VBP1: variants seen among roughly 807,000 people sequenced by gnomAD.
The protein encoded by VBP1 is VHL binding protein 1.
VBP1 carries 4 observed loss-of-function variants against 15.5 expected under a neutral mutation model. The ratio of observed to expected loss-of-function variants is 0.26; its 90% CI spans 0.13 to 0.59. The LOEUF is 0.59. VBP1 is among the 20% of genes least tolerant of loss of function. VBP1 has a pLI of 0.90. For synonymous variants in VBP1, 61 were observed against 52.1 expected, an observed-to-expected ratio of 1.17 and a Z score of -0.74; for missense variants, 108 against 139.6, an observed-to-expected ratio of 0.77 and a Z score of 1.14.
At chrX:155,204,149 G>T (rs1413930379) in intron 1 of VBP1, among the ~76,000 whole-genome samples, 1 of 111,066 alleles carries the variant, frequency 9.0e-6, no homozygotes, top group African/African-American at 3.3e-5. Context: ...ATAAAGAAGG[G>T]TTTTGAAAAC....
At chrX:155,232,693 G>C (rs1189552259) in intron 4 of VBP1, among the ~76,000 whole-genome samples, 4 of 112,612 alleles carry the variant, frequency 3.6e-5, no homozygotes, top group Non-Finnish European at 5.6e-5. Flanking sequence ...ACATGGAATA[G>C]TGAGAACACT....
chrX:155,207,157 C>T (rs958781661), intron 1 of VBP1, among the ~76,000 whole-genome samples: 2 of 111,295 alleles, frequency 1.8e-5, no homozygotes, highest in African/African-American at 3.3e-5. Context: ...TGAAGGGCTA[C>T]GTAAAAAGCC....
intron 1 of VBP1, among the ~76,000 whole-genome samples, chrX:155,208,509 C>T (rs1260058880): frequency 1.8e-5 from 2 of 112,108 alleles, no homozygotes; most frequent in Admixed American, 1.9e-4. Flanking sequence ...GTTCCATGTC[C>T]ACCTACAAAC....
chrX:155,203,762 TAATAA>T (rs1194091427), intron 1 of VBP1, among the ~76,000 whole-genome samples: 1 of 110,709 alleles, frequency 9.0e-6, no homozygotes, highest in Non-Finnish European at 1.9e-5. Flanking sequence ...AGTATAATAA[TAATAA>T]AATAAAAAAA....
At chrX:155,216,445 G>C, upstream of VBP1, 1 of 1,160,483 alleles carries the variant, frequency 8.6e-7, no homozygotes, top group Non-Finnish European at 1.2e-6. Context: ...CCCGGCGGCC[G>C]GCGGCCCGGG....
upstream of VBP1, among the ~76,000 whole-genome samples, chrX:155,211,561 T>C (rs1356089356): frequency 1.8e-5 from 2 of 111,732 alleles, no homozygotes; most frequent in Admixed American, 9.5e-5. Flanking sequence ...CATTTTAGAG[T>C]CAAGTTGAAA....
At chrX:155,227,206 T>G in intron 2 of VBP1, 29 bp from the exon 3 acceptor site, 1 of 1,175,314 alleles carries the variant, frequency 8.5e-7, no homozygotes, top group Non-Finnish European at 1.1e-6. Context: ...GCCTGCAAAA[T>G]ACTAAGTTAC....
intron 1 of VBP1, among the ~76,000 whole-genome samples, chrX:155,201,164 C>A (rs1438237451): frequency 1.8e-5 from 2 of 109,679 alleles, no homozygotes; most frequent in African/African-American, 3.3e-5. Context: ...GATTCACAGC[C>A]GAATTCTACC....
chrX:155,227,161 A>G, intron 2 of VBP1, 74 bp from the exon 3 acceptor site: 1 of 892,141 alleles, frequency 1.1e-6, no homozygotes, highest in Non-Finnish European at 1.6e-6. Context: ...TAGAAAATGC[A>G]AAGTTAGTAA....
chrX:155,199,513 T>C (rs2074593112), intron 1 of VBP1, among the ~76,000 whole-genome samples: 1 of 111,609 alleles, frequency 9.0e-6, no homozygotes. Context: ...CAACTAAGCT[T>C]CATAAGTGAA....
Position 155,233,506 on chromosome X carries a change from C to T in VBP1, c.385-2723C>T, listed in dbSNP as rs782474808. Among the ~76,000 whole-genome samples, 657 of 112,372 alleles carry T rather than the reference C, an allele frequency of 5.8e-3. 2 individuals carry two copies. The highest frequency in any genetic ancestry group is 0.02 in the African/African-American group (610 of 30,954). ...TATAACTAGATTAGGCCTACCTAGGCAGTCTGTATATTAAGGTCAGCTCTG... is the reference window on the plus strand; with the variant it reads ...TATAACTAGATTAGGCCTACCTAGGTAGTCTGTATATTAAGGTCAGCTCTG... On this transcript the variant is annotated intron_variant, in intron 4 of 5. Transcript: ENST00000286428.
At chrX:155,224,816 CTCTT>C (rs2074711855) in intron 2 of VBP1, among the ~76,000 whole-genome samples, 1 of 109,167 alleles carries the variant, frequency 9.2e-6, no homozygotes, top group African/African-American at 3.3e-5. Context: ...ATTTTTTTTC[CTCTT>C]TCTTTCTGGG....
intron 4 of VBP1, among the ~76,000 whole-genome samples, chrX:155,235,204 T>G (rs112870415): frequency 0.014 from 1,573 of 110,084 alleles, 43 homozygotes; most frequent in African/African-American, 0.05. Flanking sequence ...TTTAGAAATT[T>G]TTTTGGTCCC....
At chrX:155,224,730 C>A (rs1428017931) in intron 2 of VBP1, among the ~76,000 whole-genome samples, 1 of 112,166 alleles carries the variant, frequency 8.9e-6, no homozygotes, top group Non-Finnish European at 1.9e-5. Context: ...ATCTCTTTTT[C>A]GACACTTGAA....
chrX:155,226,346 A>G (rs1242579813), intron 2 of VBP1, among the ~76,000 whole-genome samples: 1 of 111,885 alleles, frequency 8.9e-6, no homozygotes, highest in East Asian at 2.8e-4. Flanking sequence ...GTCACTTACT[A>G]GCATTTTGCT....
intron 4 of VBP1, among the ~76,000 whole-genome samples, chrX:155,233,751 T>C (rs2074757714): frequency 8.9e-6 from 1 of 111,761 alleles, no homozygotes; most frequent in Non-Finnish European, 1.9e-5. Context: ...TAACTGAAAA[T>C]GTTCACAAGG....
chrX:155,223,908 G>C (rs1449308374), intron 2 of VBP1, among the ~76,000 whole-genome samples: 9 of 106,416 alleles, frequency 8.5e-5, no homozygotes, highest in Non-Finnish European at 1.5e-4. Context: ...GGGCGGAGGG[G>C]CTCCTCACCT....
At chrX:155,233,482 A>G (rs1208893407) in intron 4 of VBP1, among the ~76,000 whole-genome samples, 1 of 112,218 alleles carries the variant, frequency 8.9e-6, no homozygotes, top group Non-Finnish European at 1.9e-5. Context: ...AAGGGCTCAT[A>G]TAACTAGATT....
At chrX:155,218,941 A>G (rs1279064214) in intron 1 of VBP1, among the ~76,000 whole-genome samples, 1 of 112,164 alleles carries the variant, frequency 8.9e-6, no homozygotes, top group African/African-American at 3.2e-5. Flanking sequence ...CCAGCACCTG[A>G]TAACATGTAT....
Sources: gnomAD v4.1 joint callset for allele counts (sites outside exome capture counted in the v4.1 genomes callset) on GRCh38, gnomAD v4.1.1 for gene constraint, MANE v1.5 for transcripts, NCBI Gene and HGNC (gene_info 2026-07-23, HGNC 2026-07-21) for gene names.